Variants in MGRN1 observed in about 807,000 individuals in gnomAD.
MGRN1 encodes the protein E3 ubiquitin-protein ligase MGRN1.
Under a neutral mutation model 69.2 loss-of-function variants are expected in MGRN1, and 29 were observed. The ratio of observed to expected loss-of-function variants is 0.42; its 90% CI spans 0.31 to 0.57. The LOEUF (loss-of-function observed/expected upper bound fraction) is 0.57, where lower values mean the gene tolerates loss of function less well. MGRN1 is among the 20% of genes least tolerant of loss of function. MGRN1 has a pLI of 0.15. For synonymous variants in MGRN1, 470 were observed against 344.2 expected (o/e 1.37, Z -4.04); for missense variants, 998 against 796.2 (o/e 1.25, Z -3.05).
chr16:4,657,679 G>A (rs567989291), intron 5 of MGRN1, among the ~76,000 whole-genome samples: 24 of 152,074 alleles, frequency 1.6e-4, no homozygotes, highest in African/African-American at 5.3e-4. Context: ...GTTCACACCA[G>A]GTGGCATTCC....
At chr16:4,651,704 G>C (rs2078410283) in intron 2 of MGRN1, among the ~76,000 whole-genome samples, 1 of 152,148 alleles carries the variant, frequency 6.6e-6, no homozygotes, top group South Asian at 2.1e-4. Flanking sequence ...GGGATGGGCA[G>C]CCCCAGCGTG....
chr16:4,634,094 A>T (rs900373266), intron 1 of MGRN1, among the ~76,000 whole-genome samples: 3 of 152,212 alleles, frequency 2.0e-5, no homozygotes, highest in African/African-American at 4.8e-5. Context: ...CACTAGCTTC[A>T]GAGTCCTGGG....
rs1042756188 is a variant in MGRN1, at chr16:4,686,332, G to C, written c.1618+2400G>C. 6 of 1,541,080 alleles carry C rather than the reference G, an allele frequency of 3.9e-6. No individual in the cohort carries two copies. In the Admixed American group the frequency reaches 7.9e-5, roughly 20 times the overall value. On this transcript the variant is annotated intron_variant, in intron 16 of 16. Coordinates refer to ENST00000262370, the MANE Select transcript of MGRN1 (RefSeq NM_015246.4). ...CGTGACCTCCCAGACGCGCTTCGGGGGCTCTGACGCGCGTCCTTGGAGAGA... is the reference window on the plus strand; with the variant it reads ...CGTGACCTCCCAGACGCGCTTCGGGCGCTCTGACGCGCGTCCTTGGAGAGA...
intron 5 of MGRN1, among the ~76,000 whole-genome samples, chr16:4,663,453 G>A (rs751803782): frequency 9.2e-5 from 13 of 140,730 alleles, no homozygotes; most frequent in African/African-American, 2.7e-4. Flanking sequence ...CGAATGATTC[G>A]CTGGCTTTTA....
At chr16:4,641,789 G>C (rs1460276001) in intron 1 of MGRN1, among the ~76,000 whole-genome samples, 1 of 151,476 alleles carries the variant, frequency 6.6e-6, no homozygotes, top group Non-Finnish European at 1.5e-5. Flanking sequence ...AAAGTGCTGG[G>C]ATTACAGATG....
At chr16:4,646,012 C>T (rs1170607588) in intron 1 of MGRN1, among the ~76,000 whole-genome samples, 2 of 152,188 alleles carry the variant, frequency 1.3e-5, no homozygotes, top group Non-Finnish European at 2.9e-5. Flanking sequence ...AAAGACTCGA[C>T]GTCTCTTTCT....
rs966856005 is a variant in MGRN1 at position 4,671,456 on chromosome 16, C to G, written c.792C>G (p.Thr264=). 4 of 1,613,896 alleles carry G rather than the reference C, an allele frequency of 2.5e-6. No individual in the cohort carries two copies. The highest frequency in any genetic ancestry group is 3.4e-6 in the Non-Finnish European group (4 of 1,179,914). ...YGIENKNNQE[T]KPSDDENSDN... is the part of the protein sequence containing the mutation. ...TTGAGAACAAGAACAACCAGGAGACCAAGGTGTGTATCTGGGTGAGGTTTC... is the reference window on the plus strand; with the variant it reads ...TTGAGAACAAGAACAACCAGGAGACGAAGGTGTGTATCTGGGTGAGGTTTC... The change falls in exon 9 of 17, where the codon ACC becomes ACG. Residue 264 remains threonine (T), a synonymous_variant. Transcript: ENST00000262370.
chr16:4,668,720 A>G (rs2078867481), intron 8 of MGRN1, among the ~76,000 whole-genome samples: 2 of 150,808 alleles, frequency 1.3e-5, no homozygotes, highest in South Asian at 4.2e-4. Context: ...ACACTCACTC[A>G]CATATACATA....
intron 16 of MGRN1, among the ~76,000 whole-genome samples, 164 bp downstream of exon 16, chr16:4,684,096 A>G (rs2079252282): frequency 1.3e-5 from 2 of 152,250 alleles, no homozygotes; most frequent in Non-Finnish European, 2.9e-5. Flanking sequence ...GTGAAGCAGG[A>G]TGCGGGCCAG....
chr16:4,629,576 T>G (rs1331118721), intron 1 of MGRN1, among the ~76,000 whole-genome samples: 5 of 151,536 alleles, frequency 3.3e-5, no homozygotes, highest in Non-Finnish European at 5.9e-5. Flanking sequence ...CCATCTCTAC[T>G]AAAAATACAA....
rs575505230 is a variant in MGRN1 at position 4,652,165 on chromosome 16, G to A, written c.296+114G>A. The A allele has an allele frequency of 8.8e-5, 84 of 951,098 alleles. No individual in the cohort carries two copies. In the African/African-American group the frequency reaches 9.8e-4, roughly 11 times the overall value. 58.9% of individuals were successfully genotyped at this position (951,098 alleles called of 1,614,324 possible). A position where few individuals can be genotyped will look rare whatever the true frequency, so the allele number is the denominator to read the frequency against. ...AGGCGGGAGGGGCCCCAGTTTCTGCGCCCTCCCGTGTGGAATGAGAGGCTG... is the reference window on the plus strand; with the variant it reads ...AGGCGGGAGGGGCCCCAGTTTCTGCACCCTCCCGTGTGGAATGAGAGGCTG... On this transcript the variant is annotated intron_variant, in intron 3 of 16. Transcript: ENST00000262370.
chr16:4,677,601 G>C, intron 11 of MGRN1, 29 bp downstream of exon 11: 5 of 1,590,558 alleles, frequency 3.1e-6, no homozygotes, highest in Non-Finnish European at 4.3e-6. Flanking sequence ...CTGCGGGATG[G>C]GCGGGAGAGG....
intron 8 of MGRN1, among the ~76,000 whole-genome samples, chr16:4,668,839 CAT>C (rs1024359200): frequency 5.3e-5 from 8 of 152,212 alleles, no homozygotes; most frequent in Non-Finnish European, 8.8e-5. Context: ...CATACCCACA[CAT>C]ATACTCACAC....
At chr16:4,656,098 A>C (rs966623147) in intron 4 of MGRN1, among the ~76,000 whole-genome samples, 4 of 152,218 alleles carry the variant, frequency 2.6e-5, no homozygotes, top group African/African-American at 9.6e-5. Context: ...AGCCCTGGCC[A>C]CAGGCAAGCA....
chr16:4,662,484 C>G (rs1350971032), intron 5 of MGRN1, among the ~76,000 whole-genome samples: 2 of 151,654 alleles, frequency 1.3e-5, no homozygotes, highest in East Asian at 1.9e-4. Flanking sequence ...CCACTGCACT[C>G]CATCCTGGGT....
intron 11 of MGRN1, 52 bp from the exon 12 acceptor site, chr16:4,679,980 C>T (rs1185499247): frequency 3.2e-6 from 5 of 1,561,882 alleles, no homozygotes; most frequent in African/African-American, 1.4e-5. Flanking sequence ...CAGCCCACTC[C>T]AGGGCCGCGT....
chr16:4,669,318 C>G (rs1449150744), intron 8 of MGRN1: 2 of 151,648 alleles, frequency 1.3e-5, no homozygotes, highest in African/African-American at 4.9e-5. Context: ...CCTGTAATCT[C>G]AGCAACTCAG....
intron 12 of MGRN1, chr16:4,680,613 G>GC (rs1394428562): frequency 3.1e-5 from 5 of 158,996 alleles, no homozygotes; most frequent in South Asian, 3.2e-4. Flanking sequence ...AACCCTGTGT[G>GC]CGTTGGTGTA....
intron 12 of MGRN1, chr16:4,680,340 G>T (rs1031092330): frequency 9.9e-6 from 5 of 504,894 alleles, no homozygotes; most frequent in African/African-American, 9.8e-5. Context: ...CCTCCGCCCC[G>T]CGTGGCCCCC....
Sources: allele counts gnomAD v4.1 joint callset (sites outside exome capture counted in the v4.1 genomes callset), GRCh38; gene constraint gnomAD v4.1.1; transcripts MANE v1.5; gene names NCBI Gene and HGNC (gene_info 2026-07-23, HGNC 2026-07-21).